The following SNRPA1 variants were observed in gnomAD, a reference collection of about 807,000 sequenced individuals.
SNRPA1 encodes the protein small nuclear ribonucleoprotein polypeptide A'.
In SNRPA1, 5 loss-of-function variants were observed where a neutral mutation model predicts 32.3. The ratio of observed to expected loss-of-function variants is 0.15; its 90% confidence interval spans 0.08 to 0.33. The LOEUF (loss-of-function observed/expected upper bound fraction) is 0.33, where lower values mean the gene tolerates loss of function less well. Ranked by LOEUF, SNRPA1 falls within the 10% of genes least tolerant of loss-of-function variation. The pLI is 1.00. For missense variants in SNRPA1, 198 were observed against 311.1 expected, an observed-to-expected ratio of 0.64 and a Z score of 2.74; for synonymous variants, 111 against 120.1, an observed-to-expected ratio of 0.92 and a Z score of 0.50.
intron 3 of SNRPA1, 133 bp from the exon 4 acceptor site, chr15:101,287,835 T>C (rs1210376468): frequency 1.4e-6 from 1 of 709,300 alleles, no homozygotes; most frequent in Non-Finnish European, 2.5e-6. Context: ...ACAAGCCCAA[T>C]ACTAGCACAT....
intron 5 of SNRPA1, 163 bp downstream of exon 5, chr15:101,286,745 C>T (rs2039459215): frequency 1.1e-5 from 6 of 558,752 alleles, no homozygotes; most frequent in Non-Finnish European, 1.9e-5. Flanking sequence ...CTATCATAAA[C>T]TCTGCTATTA....
At chr15:101,293,664 T>C (rs1224896286) in intron 1 of SNRPA1, among the ~76,000 whole-genome samples, 3 of 152,064 alleles carry the variant, frequency 2.0e-5, no homozygotes, top group Non-Finnish European at 4.4e-5. Context: ...CAGTTCTCCC[T>C]CCCCTCCCCC....
intron 1 of SNRPA1, among the ~76,000 whole-genome samples, chr15:101,294,228 C>A (rs1278902127): frequency 1.3e-5 from 2 of 152,230 alleles, no homozygotes; most frequent in Non-Finnish European, 2.9e-5. Context: ...AAGAGCGAGA[C>A]TCCATCTCAA....
chr15:101,293,156 G>C lies in SNRPA1; in HGVS notation c.99C>G (p.Val33=), dbSNP rs146167022. 1.2e-6 allele frequency: 2 copies of C among 1,608,226 alleles called. No homozygotes were observed. Among genetic ancestry groups the C allele is most frequent in the South Asian group, 2.2e-5 (2 of 89,986 alleles). The change falls in exon 2 of 9, where the codon GTC becomes GTG. Residue 33 remains valine (V), a synonymous_variant. Transcript: ENST00000254193. ...CTAACGTAGCACCTAGATTTTCAAT[G>C]ACGGGAATTTTATACCCTATAAAAT... The part of the protein sequence containing the change: ...ELDLRGYKIP[V]IENLGATLDQ...
chr15:101,292,965 CAG>C (rs200959689), intron 2 of SNRPA1, 58 bp downstream of exon 2: 55,610 of 1,219,400 alleles, frequency 0.046, 1,510 homozygotes, highest in South Asian at 0.07. Context: ...ACAACTTCTT[CAG>C]GAAACACTGC....
chr15:101,281,523 G>A lies in SNRPA1; in HGVS notation c.*201C>T. 1 of 550,124 alleles carries A rather than the reference G, an allele frequency of 1.8e-6. No individual in the cohort carries two copies. Among genetic ancestry groups the A allele is most frequent in the Non-Finnish European group, 3.3e-6 (1 of 302,498 alleles). 34.1% of individuals were successfully genotyped at this position (550,124 alleles called of 1,614,324 possible). On this transcript the variant is annotated 3_prime_UTR_variant, in exon 9 of 9. Transcript: ENST00000254193. ...ATGACACACAACTTGGTAGCATAGT[G>A]AGTGGAGTTTATTTTTATAATTTGT...
chr15:101,283,969 T>C (rs1308900711), intron 8 of SNRPA1, among the ~76,000 whole-genome samples: 2 of 152,224 alleles, frequency 1.3e-5, no homozygotes, highest in African/African-American at 4.8e-5. Flanking sequence ...TTTTTAATTT[T>C]TAGCTCCCAG....
chr15:101,285,966 C>T, intron 6 of SNRPA1, 165 bp from the exon 7 acceptor site: 1 of 638,766 alleles, frequency 1.6e-6, no homozygotes, highest in African/African-American at 1.8e-5. Flanking sequence ...AGTTCATCTT[C>T]CTATATAGAA....
chr15:101,295,245 G>A lies in SNRPA1; in HGVS notation c.-67C>T. ...CCTCCCGCCAGCGAGACGTCCCAGCGTGCCCCGCGCCCCGCCGCCAGGCAG... is the reference window on the plus strand; with the variant it reads ...CCTCCCGCCAGCGAGACGTCCCAGCATGCCCCGCGCCCCGCCGCCAGGCAG... On this transcript the variant is annotated 5_prime_UTR_variant, in exon 1 of 9. It adds an upstream start codon to the 5' untranslated region. Coordinates refer to ENST00000254193, the MANE Select transcript of SNRPA1 (RefSeq NM_003090.4). 1.5e-6 allele frequency: 2 copies of A among 1,353,226 alleles called. No individual in the cohort carries two copies. Among genetic ancestry groups the A allele is most frequent in the Non-Finnish European group, 2.0e-6 (2 of 1,023,192 alleles). 83.8% of individuals were successfully genotyped at this position (1,353,226 alleles called of 1,614,324 possible).
intron 8 of SNRPA1, 114 bp downstream of exon 8, chr15:101,284,853 T>G (rs1045643465): frequency 2.6e-6 from 2 of 782,484 alleles, no homozygotes; most frequent in African/African-American, 3.4e-5. Flanking sequence ...ATATATTAGA[T>G]TTGATGTAAG....
chr15:101,285,958 T>C lies in SNRPA1; in HGVS notation c.540-157A>G, dbSNP rs2039450300. The C allele has an allele frequency of 4.7e-6, 3 of 641,626 alleles. No individual in the cohort carries two copies. The East Asian group carries it at 8.1e-5, about 17-fold the overall frequency. 39.7% of individuals were successfully genotyped at this position (641,626 alleles called of 1,614,324 possible). A position where few individuals can be genotyped will look rare whatever the true frequency, so the allele number is the denominator to read the frequency against. Reference sequence around the variant, plus strand: ...TCTCTCCTTCAGAAACACCATCCAGTTCATCTTCCTATATAGAAAATAGGA... The same window carrying C: ...TCTCTCCTTCAGAAACACCATCCAGCTCATCTTCCTATATAGAAAATAGGA... On this transcript the variant is annotated intron_variant, in intron 6 of 8. Coordinates refer to ENST00000254193, the MANE Select transcript of SNRPA1 (RefSeq NM_003090.4).
intron 8 of SNRPA1, among the ~76,000 whole-genome samples, chr15:101,283,250 A>G (rs2141305002): frequency 6.6e-6 from 1 of 152,356 alleles, no homozygotes; most frequent in South Asian, 2.1e-4. Flanking sequence ...TGGTGTTATT[A>G]GATGAAAACA....
rs371629626 is a variant in SNRPA1 at position 101,295,128 on chromosome 15, G to A, written c.51C>T (p.Asn17=). 6.1e-5 allele frequency: 94 copies of A among 1,552,200 alleles called. No homozygotes were observed. Among genetic ancestry groups the A allele is most frequent in the Non-Finnish European group, 7.9e-5 (91 of 1,153,358 alleles). The change falls in exon 1 of 9, where the codon AAC becomes AAT. Residue 17 remains asparagine (N), a synonymous_variant. Transcript: ENST00000254193. Reference sequence around the variant, plus strand: ...GGTCCAGCTCCCGGTCGCGCACCGCGTTGGTGTACTGCGCCGCCTGCTCGA... The same window carrying A: ...GGTCCAGCTCCCGGTCGCGCACCGCATTGGTGTACTGCGCCGCCTGCTCGA... The part of the protein sequence containing the change: ...ELIEQAAQYT[N]AVRDRELDLR...
At chr15:101,287,930 G>A (rs2039473950) in intron 3 of SNRPA1, 1 of 474,994 alleles carries the variant, frequency 2.1e-6, no homozygotes. Context: ...TCAATAGCAG[G>A]AGATAAGAAA....
chr15:101,292,135 G>C, intron 2 of SNRPA1, 95 bp from the exon 3 acceptor site: 1 of 850,426 alleles, frequency 1.2e-6, no homozygotes, highest in South Asian at 1.4e-5. Flanking sequence ...GAGACACTTA[G>C]AGATCCTTCT....
chr15:101,283,368 T>A (rs2141305106), intron 8 of SNRPA1, among the ~76,000 whole-genome samples: 1 of 146,860 alleles, frequency 6.8e-6, no homozygotes, highest in East Asian at 2.1e-4. Flanking sequence ...CTAACATGTG[T>A]TTTTAGTAGA....
chr15:101,282,110 A>G (rs542093019), intron 8 of SNRPA1, among the ~76,000 whole-genome samples: 1 of 152,370 alleles, frequency 6.6e-6, no homozygotes, highest in Non-Finnish European at 1.5e-5. Flanking sequence ...AGGCAAAGAA[A>G]CCGGAAATAC....
At chr15:101,291,630 G>A (rs535954809) in intron 3 of SNRPA1, among the ~76,000 whole-genome samples, 1 of 151,724 alleles carries the variant, frequency 6.6e-6, no homozygotes, top group South Asian at 2.1e-4. Context: ...ATTGAACACT[G>A]CAATTGTAGA....
chr15:101,293,296 G>A, intron 1 of SNRPA1, 124 bp from the exon 2 acceptor site: 2 of 636,198 alleles, frequency 3.1e-6, no homozygotes, highest in Non-Finnish European at 5.2e-6. Context: ...GTATTACCTA[G>A]CACCTATGTC....
Sources: allele counts gnomAD v4.1 joint callset (sites outside exome capture counted in the v4.1 genomes callset), GRCh38; gene constraint gnomAD v4.1.1; transcripts MANE v1.5; gene names NCBI Gene and HGNC (gene_info 2026-07-23, HGNC 2026-07-21).